HIF1A: variants seen among roughly 807,000 people sequenced by gnomAD.
HIF1A encodes the protein hypoxia inducible factor 1 subunit alpha.
Under a neutral mutation model 92.7 loss-of-function variants are expected in HIF1A, and 24 were observed. The observed-to-expected ratio is 0.26, with a 90% CI of 0.19 to 0.36. The LOEUF (loss-of-function observed/expected upper bound fraction) is 0.36. Ranked by LOEUF, HIF1A falls within the 10% of genes least tolerant of loss-of-function variation. The pLI is 1.00. For synonymous variants in HIF1A, 319 were observed against 338.7 expected (o/e 0.94, Z 0.64); for missense variants, 799 against 998.5 (o/e 0.80, Z 2.69).
Position 61,744,793 on chromosome 14 carries a change from C to T in HIF1A, c.2182C>T (p.Leu728Phe), listed in dbSNP as rs1178926655. ...RKRKMEHDGS[L>F]FQAVGIGTLL... ...GCGAAAAATGGAACATGATGGTTCACTTTTTCAAGCAGTAGGAATTGTAAG... is the reference window on the plus strand; with the variant it reads ...GCGAAAAATGGAACATGATGGTTCATTTTTTCAAGCAGTAGGAATTGTAAG... Residue 728 changes from leucine to phenylalanine, a missense_variant, in exon 13 of 15, where the codon CTT (leucine) becomes TTT (phenylalanine). Leu to Phe is a conservative substitution (Grantham distance 22, BLOSUM62 0). This residue lies in a region of HIF1A where 283 missense variants were observed against 277.5 expected (regional missense o/e 1.02). Coordinates refer to ENST00000337138, the MANE Select transcript of HIF1A (RefSeq NM_001530.4). The T allele has an allele frequency of 6.4e-7, 1 of 1,573,188 alleles. No homozygotes were observed. Among genetic ancestry groups the T allele is most frequent in the Non-Finnish European group, 8.7e-7 (1 of 1,147,350 alleles).
At chr14:61,726,243 A>C (rs1216667670) in intron 4 of HIF1A, among the ~76,000 whole-genome samples, 2 of 152,092 alleles carry the variant, frequency 1.3e-5, no homozygotes, top group Non-Finnish European at 2.9e-5. Flanking sequence ...AGATACGTAA[A>C]AATGTTATTT....
At chr14:61,732,123 C>T (rs1446032647) in intron 6 of HIF1A, among the ~76,000 whole-genome samples, 1 of 152,028 alleles carries the variant, frequency 6.6e-6, no homozygotes, top group Non-Finnish European at 1.5e-5. Flanking sequence ...CTGAGCAACA[C>T]GAGGGAAACT....
At chr14:61,717,379 A>C (rs2044375340) in intron 1 of HIF1A, among the ~76,000 whole-genome samples, 1 of 152,198 alleles carries the variant, frequency 6.6e-6, no homozygotes, top group Admixed American at 6.5e-5. Context: ...AATATCATGA[A>C]GATTTTTCCA....
intron 1 of HIF1A, among the ~76,000 whole-genome samples, chr14:61,712,339 G>C (rs1008209458): frequency 3.3e-5 from 5 of 151,898 alleles, no homozygotes; most frequent in African/African-American, 1.2e-4. Context: ...TGAGCAAAGG[G>C]GGCAAAGTGG....
chr14:61,696,704 C>T (rs1256050751), intron 1 of HIF1A, among the ~76,000 whole-genome samples: 5 of 152,020 alleles, frequency 3.3e-5, no homozygotes, highest in East Asian at 3.9e-4. Context: ...TAAATTTAGG[C>T]AGTTTTAATG....
intron 1 of HIF1A, among the ~76,000 whole-genome samples, chr14:61,707,543 G>A (rs1203823572): frequency 6.6e-6 from 1 of 151,926 alleles, no homozygotes; most frequent in African/African-American, 2.4e-5. Flanking sequence ...ACCTATGAGT[G>A]AGAACACGCG....
intron 10 of HIF1A, among the ~76,000 whole-genome samples, chr14:61,739,101 GT>G (rs2044675434): frequency 6.6e-6 from 1 of 152,146 alleles, no homozygotes; most frequent in African/African-American, 2.4e-5. Context: ...ACTTACGAGG[GT>G]TTAAATGGGA....
At chr14:61,746,617 A>T (rs189482126) in intron 14 of HIF1A, among the ~76,000 whole-genome samples, 1 of 150,814 alleles carries the variant, frequency 6.6e-6, no homozygotes, top group African/African-American at 2.4e-5. Flanking sequence ...CTGGTTTCAA[A>T]CTCCTGGCCT....
intron 12 of HIF1A, among the ~76,000 whole-genome samples, chr14:61,743,265 T>G (rs2044736236): frequency 6.6e-6 from 1 of 152,156 alleles, no homozygotes; most frequent in Non-Finnish European, 1.5e-5. Flanking sequence ...GAGACAGTGT[T>G]TCTCCAGGTT....
At chr14:61,701,176 T>G (rs969416780) in intron 1 of HIF1A, among the ~76,000 whole-genome samples, 18 of 152,380 alleles carry the variant, frequency 1.2e-4, no homozygotes, top group African/African-American at 4.1e-4. Context: ...ATGTTAGCTT[T>G]TAGCTGTTCT....
chr14:61,744,762 G>C lies in HIF1A; in HGVS notation c.2151G>C (p.Gln717His), dbSNP rs370608348. Residue 717 changes from glutamine (Q) to histidine (H), a missense_variant, in exon 13 of 15, where the codon CAG (glutamine) becomes CAC (histidine). By Grantham distance (24) the Gln-to-His change is conservative (BLOSUM62 0). This residue lies in a region of HIF1A where 283 missense variants were observed against 277.5 expected (regional missense o/e 1.02). Coordinates refer to ENST00000337138, the MANE Select transcript of HIF1A (RefSeq NM_001530.4). ...NPKILALQNAQRKRKMEHDGS... is the reference protein window; with the variant it reads ...NPKILALQNAHRKRKMEHDGS... ...AGATACTAGCTTTGCAGAATGCTCAGAGAAAGCGAAAAATGGAACATGATG... is the reference window on the plus strand; with the variant it reads ...AGATACTAGCTTTGCAGAATGCTCACAGAAAGCGAAAAATGGAACATGATG... 21 of 1,604,200 alleles carry C rather than the reference G, an allele frequency of 1.3e-5. No individual in the cohort carries two copies. The highest frequency in any genetic ancestry group is 1.8e-5 in the Non-Finnish European group (21 of 1,173,404).
chr14:61,715,928 T>A (rs1382799500), intron 1 of HIF1A: 1 of 152,074 alleles, frequency 6.6e-6, no homozygotes, highest in Non-Finnish European at 1.5e-5. Flanking sequence ...GAGCCCACGA[T>A]TTCGAGGCTG....
chr14:61,738,266 A>C lies in HIF1A; in HGVS notation c.1429A>C (p.Lys477Gln). ...TGCACTCAATCAAGAAGTTGCATTA[A>C]AATTAGAACCAAATCCAGAGTCACT... ...DPALNQEVAL[K>Q]LEPNPESLEL... Residue 477 changes from lysine to glutamine, a missense_variant, in exon 10 of 15, where the codon AAA becomes CAA. By Grantham distance (53) the Lys-to-Gln change is moderately conservative. Transcript: ENST00000337138. The C allele has an allele frequency of 6.2e-7, 1 of 1,614,160 alleles. No individual in the cohort carries two copies. Among genetic ancestry groups the C allele is most frequent in the Non-Finnish European group, 8.5e-7 (1 of 1,180,010 alleles).
At chr14:61,716,468 C>T (rs1386148656) in intron 1 of HIF1A, among the ~76,000 whole-genome samples, 1 of 152,134 alleles carries the variant, frequency 6.6e-6, no homozygotes, top group African/African-American at 2.4e-5. Flanking sequence ...ATAATCTGCT[C>T]ACATTTTAAA....
intron 4 of HIF1A, among the ~76,000 whole-genome samples, chr14:61,722,612 CA>C (rs1294704912): frequency 6.6e-6 from 1 of 152,142 alleles, no homozygotes; most frequent in Non-Finnish European, 1.5e-5. Context: ...TTTAGACAGT[CA>C]TTAAAGTTGA....
intron 10 of HIF1A, chr14:61,740,072 T>TTTTTTG (rs2044688904): frequency 8.1e-6 from 1 of 124,088 alleles, no homozygotes; most frequent in Non-Finnish European, 1.7e-5. Context: ...ATTTTTTTTT[T>TTTTTTG]TTTTTTTTTT....
At chr14:61,716,655 A>G (rs965396148) in intron 1 of HIF1A, among the ~76,000 whole-genome samples, 1 of 152,102 alleles carries the variant, frequency 6.6e-6, no homozygotes, top group African/African-American at 2.4e-5. Flanking sequence ...TATGTTCTTA[A>G]TCTGAAGAAC....
chr14:61,720,062 A>T (rs2044408276), intron 1 of HIF1A, among the ~76,000 whole-genome samples: 1 of 152,202 alleles, frequency 6.6e-6, no homozygotes, highest in South Asian at 2.1e-4. Context: ...TTAGATGTAC[A>T]GGCTACTTTA....
intron 4 of HIF1A, among the ~76,000 whole-genome samples, chr14:61,725,919 G>C (rs752949259): frequency 6.6e-6 from 1 of 150,860 alleles, no homozygotes; most frequent in East Asian, 2.0e-4. Context: ...TCCCACGTTC[G>C]AGTGATTCCC....
Sources: gnomAD v4.1 joint callset for allele counts (sites outside exome capture counted in the v4.1 genomes callset) on GRCh38, gnomAD v4.1.1 for gene constraint, gnomAD v4.1.1 regional missense constraint, MANE v1.5 for transcripts, NCBI Gene and HGNC (gene_info 2026-07-23, HGNC 2026-07-21) for gene names.